The following ZSWIM9 variants were observed in gnomAD, a reference collection of about 807,000 sequenced individuals.
The protein encoded by ZSWIM9 is uncharacterized protein ZSWIM9.
In ZSWIM9, 11 loss-of-function variants were observed where a neutral mutation model predicts 25.0. The observed-to-expected ratio is 0.44, with a 90% CI of 0.28 to 0.73. The LOEUF is 0.73. ZSWIM9 is among the 30% of genes least tolerant of loss of function. The probability of loss-of-function intolerance (pLI) is 0.16; values close to 1 mark genes in which losing one functional copy is unlikely to be tolerated. For synonymous variants in ZSWIM9, 562 were observed against 582.1 expected (o/e 0.97, Z 0.50); for missense variants, 1,070 against 1,296.5 (o/e 0.83, Z 2.68).
chr19:48,178,678 G>A (rs2036918355), intron 2 of ZSWIM9, among the ~76,000 whole-genome samples: 1 of 152,022 alleles, frequency 6.6e-6, no homozygotes, highest in Admixed American at 6.6e-5. Context: ...CTGGGTTCAA[G>A]CGATCTCCTG....
At chr19:48,187,690 C>T (rs1293805979) in intron 3 of ZSWIM9, 2 of 136,508 alleles carry the variant, frequency 1.5e-5, no homozygotes, top group Non-Finnish European at 3.0e-5. Context: ...GTAATCTCAG[C>T]ACTTTGGGAG....
chr19:48,176,836 G>A (rs935666452), intron 2 of ZSWIM9, among the ~76,000 whole-genome samples: 8 of 151,948 alleles, frequency 5.3e-5, no homozygotes, highest in African/African-American at 1.9e-4. Context: ...GGCCGAGGTG[G>A]GTGGATTGCC....
chr19:48,197,379 C>A lies in ZSWIM9; in HGVS notation c.*552C>A. Reference sequence around the variant, plus strand: ...CTGGGGGAAGCAGGAGAGGAAGGGACGGGATGTAGGAGGGGGAAGAAAAAT... The same window carrying A: ...CTGGGGGAAGCAGGAGAGGAAGGGAAGGGATGTAGGAGGGGGAAGAAAAAT... On this transcript the variant is annotated 3_prime_UTR_variant, in exon 4 of 4. Coordinates refer to ENST00000614654, the MANE Select transcript of ZSWIM9 (RefSeq NM_199341.4). 1 of 666,236 alleles carries A rather than the reference C, an allele frequency of 1.5e-6. No individual in the cohort carries two copies. The highest frequency in any genetic ancestry group is 2.7e-6 in the Non-Finnish European group (1 of 366,844). 41.3% of individuals were successfully genotyped at this position (666,236 alleles called of 1,614,324 possible).
chr19:48,187,564 TAA>T lies in ZSWIM9; in HGVS notation c.588+4798_588+4799del, dbSNP rs1568579809. ...TATATTATATTATATATATTATATA[TAA>T]TATTATATATATTATATATTATATA... is the stretch of plus-strand genomic sequence containing the variant. On this transcript the variant is annotated intron_variant, in intron 3 of 3. Coordinates refer to ENST00000614654, the MANE Select transcript of ZSWIM9 (RefSeq NM_199341.4). The T allele has an allele frequency of 4.1e-3, 94 of 23,066 alleles. 1 individual carries two copies. Among genetic ancestry groups the T allele is most frequent in the Non-Finnish European group, 8.3e-3 (80 of 9,634 alleles). 1.4% of individuals were successfully genotyped at this position (23,066 alleles called of 1,614,324 possible). A position where few individuals can be genotyped will look rare whatever the true frequency, so the allele number is the denominator to read the frequency against.
rs935065317 is a variant in ZSWIM9, at chr19:48,196,551, C to T, written c.2487C>T (p.Ala829=). The T allele has an allele frequency of 1.6e-6, 2 of 1,232,402 alleles. No individual in the cohort carries two copies. The highest frequency in any genetic ancestry group is 1.6e-5 in the African/African-American group (1 of 64,376). The allele number at this position is 1,232,402 out of a possible 1,614,324, so 76.3% of individuals were successfully genotyped here. A position where few individuals can be genotyped will look rare whatever the true frequency, so the allele number is the denominator to read the frequency against. ...DWEPLAKFRA[A]CGPELADLVA... ...AACCCCTGGCCAAATTCCGAGCAGC[C>T]TGCGGGCCAGAGCTGGCAGACCTGG... Residue 829 remains alanine (A), a synonymous_variant, in exon 4 of 4, where the codon GCC becomes GCT. Transcript: ENST00000614654.
In ZSWIM9 at chr19:48,195,298, C is replaced by G; in HGVS notation, c.1234C>G (p.Arg412Gly). The part of the protein sequence containing the change: ...ACALVRGHRR[R>G]LLRRLSPSRG... ...TGCCCTGGTGCGAGGCCACCGCCGGCGACTGCTGCGTCGTCTCAGCCCCTC... is the reference window on the plus strand; with the variant it reads ...TGCCCTGGTGCGAGGCCACCGCCGGGGACTGCTGCGTCGTCTCAGCCCCTC... The change falls in exon 4 of 4, where the codon CGA becomes GGA. Residue 412 changes from arginine to glycine, a missense_variant. Arg to Gly is a moderately radical substitution (Grantham distance 125). This residue lies in a region of ZSWIM9 where 184 missense variants were observed against 243.1 expected (regional missense o/e 0.76). Transcript: ENST00000614654. This position sits in a 1 kb window ranked among gnomAD's most constrained non-coding sequence, Gnocchi z 5.8. The G allele has an allele frequency of 1.3e-6, 2 of 1,530,182 alleles. No individual in the cohort carries two copies. Among genetic ancestry groups the G allele is most frequent in the Non-Finnish European group, 1.7e-6 (2 of 1,144,394 alleles). The allele number at this position is 1,530,182 out of a possible 1,614,324, so 94.8% of individuals were successfully genotyped here. A position where few individuals can be genotyped will look rare whatever the true frequency, so the allele number is the denominator to read the frequency against.
Position 48,196,086 on chromosome 19 carries a change from G to T in ZSWIM9, c.2022G>T (p.Leu674Phe). 8.0e-7 allele frequency: 1 copy of T among 1,245,576 alleles called. No individual in the cohort carries two copies. Among genetic ancestry groups the T allele is most frequent in the Non-Finnish European group, 1.0e-6 (1 of 996,464 alleles). The allele number at this position is 1,245,576 out of a possible 1,614,324, so 77.2% of individuals were successfully genotyped here. A position where few individuals can be genotyped will look rare whatever the true frequency, so the allele number is the denominator to read the frequency against. The part of the protein sequence containing the change: ...RGIPLEKSLE[L>F]APENGDQRGP... The stretch of plus-strand genomic sequence containing the variant: ...TCCCCTTGGAGAAGTCCCTGGAGTT[G>T]GCCCCTGAGAACGGAGACCAAAGGG... The change falls in exon 4 of 4, where the codon TTG becomes TTT. Residue 674 changes from leucine to phenylalanine, a missense_variant. Leu to Phe is a conservative substitution (Grantham distance 22). Transcript: ENST00000614654.
intron 3 of ZSWIM9, among the ~76,000 whole-genome samples, chr19:48,193,618 C>T (rs1225481936): frequency 6.6e-6 from 1 of 152,174 alleles, no homozygotes; most frequent in Non-Finnish European, 1.5e-5. Flanking sequence ...TGGTAAGTGC[C>T]ATGGCCAAAA....
intron 1 of ZSWIM9, chr19:48,171,418 G>A (rs2036806156): frequency 1.0e-6 from 1 of 983,206 alleles, no homozygotes; most frequent in African/African-American, 1.7e-5. Context: ...GCTGGAAGGG[G>A]AGGAGGTTTT....
At chr19:48,172,136 G>A (rs2036836209) in intron 2 of ZSWIM9, 59 bp downstream of exon 2, 1 of 1,354,002 alleles carries the variant, frequency 7.4e-7, no homozygotes, top group Non-Finnish European at 9.9e-7. Context: ...GGGTGGGTGT[G>A]GGTGGGAGAC....
intron 2 of ZSWIM9, chr19:48,174,907 C>T (rs2036877110): frequency 6.6e-6 from 1 of 152,086 alleles, no homozygotes; most frequent in African/African-American, 2.4e-5. Context: ...GATCTCGGCT[C>T]TTGAACAGTT....
At position 48,195,712 on chromosome 19, in the gene ZSWIM9, C is replaced by A; in HGVS notation, c.1648C>A (p.His550Asn). Residue 550 changes from histidine to asparagine, a missense_variant, in exon 4 of 4, where the codon CAC becomes AAC. Physicochemically the swap from His to Asn is moderately conservative, Grantham distance 68. Coordinates refer to ENST00000614654, the MANE Select transcript of ZSWIM9 (RefSeq NM_199341.4). This position sits in a 1 kb window ranked among gnomAD's most constrained non-coding sequence, Gnocchi z 5.8. ...VLRGSKLEKGHLRGPEIRDWR... is the reference protein window; with the variant it reads ...VLRGSKLEKGNLRGPEIRDWR... ...GAGAGGGTCGAAGTTAGAGAAAGGG[C>A]ACCTGAGAGGGCCAGAGATTAGAGA... is the stretch of plus-strand genomic sequence containing the variant. 6.8e-7 allele frequency: 1 copy of A among 1,466,716 alleles called. No individual in the cohort carries two copies. Among genetic ancestry groups the A allele is most frequent in the Non-Finnish European group, 9.0e-7 (1 of 1,116,446 alleles). 90.9% of individuals were successfully genotyped at this position (1,466,716 alleles called of 1,614,324 possible).
rs2036953035 is a variant in ZSWIM9 at position 48,182,008 on chromosome 19, C to G, written c.276-447C>G. ...GGGCAGCGTTCACAGAAGGCCTCAA[C>G]TTTTGATGTTATTGCTAAACCAGAA... On this transcript the variant is annotated intron_variant, in intron 2 of 3. Transcript: ENST00000614654. The surrounding 1 kb of genome is among the most constrained non-coding windows in gnomAD (Gnocchi z 4.6). The G allele has an allele frequency of 6.4e-6, 1 of 156,980 alleles. No homozygotes were observed. Among genetic ancestry groups the G allele is most frequent in the African/African-American group, 2.4e-5 (1 of 41,502 alleles). The allele number at this position is 156,980 out of a possible 1,614,324, so 9.7% of individuals were successfully genotyped here.
chr19:48,171,709 A>G, intron 1 of ZSWIM9, 85 bp from the exon 2 acceptor site: 1 of 1,348,670 alleles, frequency 7.4e-7, no homozygotes, highest in Non-Finnish European at 9.8e-7. Context: ...CCAGCAACCG[A>G]CGGGGCAGGC....
chr19:48,196,511 A>T lies in ZSWIM9; in HGVS notation c.2447A>T (p.Glu816Val). The change falls in exon 4 of 4, where the codon GAG becomes GTG. Residue 816 changes from glutamate (E) to valine (V), a missense_variant. Physicochemically the swap from Glu to Val is moderately radical, Grantham distance 121. Around this residue, in one of 4 missense-constraint regions of ZSWIM9, gnomAD observed 583 missense variants for 624.7 expected, o/e 0.93. Coordinates refer to ENST00000614654, the MANE Select transcript of ZSWIM9 (RefSeq NM_199341.4). ...AGGCTTTGCCGACCCCCGGGAGAGG[A>T]GGAGGTGGACTGGGAACCCCTGGCC... ...PKRLCRPPGEEEVDWEPLAKF... is the reference protein window; with the variant it reads ...PKRLCRPPGEVEVDWEPLAKF... The T allele has an allele frequency of 8.1e-7, 1 of 1,231,770 alleles. No homozygotes were observed. The highest frequency in any genetic ancestry group is 1.0e-6 in the Non-Finnish European group (1 of 988,034). The allele number at this position is 1,231,770 out of a possible 1,614,324, so 76.3% of individuals were successfully genotyped here.
rs2036953978 is a variant in ZSWIM9, at chr19:48,182,149, C to T, written c.276-306C>T. On this transcript the variant is annotated intron_variant, in intron 2 of 3. Transcript: ENST00000614654. This position sits in a 1 kb window ranked among gnomAD's most constrained non-coding sequence, Gnocchi z 4.6. ...GTGGTAGGTATAGAATTTTAGTGAA[C>T]ACTTACTGCTTGCCATATTCCAGAC... The T allele has an allele frequency of 5.3e-6, 2 of 378,464 alleles. No homozygotes were observed. The highest frequency in any genetic ancestry group is 1.2e-4 in the South Asian group (2 of 16,264). The allele number at this position is 378,464 out of a possible 1,614,324, so 23.4% of individuals were successfully genotyped here. A position where few individuals can be genotyped will look rare whatever the true frequency, so the allele number is the denominator to read the frequency against.
intron 2 of ZSWIM9, among the ~76,000 whole-genome samples, chr19:48,176,336 T>C (rs1212161798): frequency 1.3e-5 from 2 of 152,148 alleles, no homozygotes; most frequent in African/African-American, 4.8e-5. Context: ...TCTAACCACT[T>C]TACATAATTT....
chr19:48,175,063 C>T (rs891843844), intron 2 of ZSWIM9, among the ~76,000 whole-genome samples: 1 of 152,130 alleles, frequency 6.6e-6, no homozygotes, highest in African/African-American at 2.4e-5. Flanking sequence ...CTGGGTGGTT[C>T]TGGAAGGCTT....
chr19:48,171,711 G>C (rs756848410), intron 1 of ZSWIM9, 83 bp from the exon 2 acceptor site: 3 of 1,354,526 alleles, frequency 2.2e-6, no homozygotes, highest in Admixed American at 5.4e-5. Flanking sequence ...AGCAACCGAC[G>C]GGGCAGGCCA....
Sources: allele counts gnomAD v4.1 joint callset (sites outside exome capture counted in the v4.1 genomes callset), GRCh38; gene constraint gnomAD v4.1.1; regional missense constraint gnomAD v4.1.1; non-coding constraint Gnocchi (gnomAD v3.1); transcripts MANE v1.5; gene names NCBI Gene and HGNC (gene_info 2026-07-23, HGNC 2026-07-21).